PRDM15: variants seen among roughly 807,000 people sequenced by gnomAD.
PRDM15 encodes the protein PR domain zinc finger protein 15.
In PRDM15, 64 loss-of-function variants were observed where a neutral mutation model predicts 128.6. The ratio of observed to expected loss-of-function variants is 0.50; its 90% CI spans 0.41 to 0.61. The LOEUF (loss-of-function observed/expected upper bound fraction) is 0.61, where lower values mean the gene tolerates loss of function less well. PRDM15 is among the 20% of genes least tolerant of loss of function. The probability of loss-of-function intolerance (pLI) is 0.00; values close to 1 mark genes in which losing one functional copy is unlikely to be tolerated. For synonymous variants in PRDM15, 615 were observed against 621.8 expected (o/e 0.99, Z 0.16); for missense variants, 1,242 against 1,569.1 (o/e 0.79, Z 3.52).
At chr21:41,819,167 CCTT>C (rs1217807737) in intron 18 of PRDM15, among the ~76,000 whole-genome samples, 1 of 152,260 alleles carries the variant, frequency 6.6e-6, no homozygotes, top group African/African-American at 2.4e-5. Flanking sequence ...TGCCTCGAGT[CCTT>C]CTTTCCTTAA....
chr21:41,861,589 C>T, intron 1 of PRDM15: 1 of 1,609,968 alleles, frequency 6.2e-7, no homozygotes, highest in African/African-American at 1.3e-5. Flanking sequence ...CAACCTGCTT[C>T]TCTGATGCCC....
intron 18 of PRDM15, among the ~76,000 whole-genome samples, chr21:41,816,214 T>C (rs1174823130): frequency 6.6e-6 from 1 of 152,076 alleles, no homozygotes. Context: ...ACAATATGAG[T>C]GGTGATTGGG....
chr21:41,825,432 T>C (rs990578236), intron 13 of PRDM15, among the ~76,000 whole-genome samples: 23 of 152,338 alleles, frequency 1.5e-4, no homozygotes, highest in Non-Finnish European at 2.9e-4. Context: ...ATGGATGTGC[T>C]CCCATGGATG....
chr21:41,826,034 C>T lies in PRDM15; in HGVS notation c.1555G>A (p.Glu519Lys). ...TTCTCCCCACCGGCCTCCAGGTCCT[C>T]TCGCTTCACTCGCCGCACTCCTGAA... is the stretch of plus-strand genomic sequence containing the variant. ...HLEGVRRVKR[E>K]DLEAGGENLV... The change falls in exon 13 of 24, where the codon GAG becomes AAG. Residue 519 changes from glutamate to lysine, a missense_variant. Physicochemically the swap from Glu to Lys is moderately conservative, Grantham distance 56. Coordinates refer to ENST00000398548, the MANE Select transcript of PRDM15 (RefSeq NM_001040424.3). The T allele has an allele frequency of 6.2e-7, 1 of 1,614,182 alleles. No homozygotes were observed. Among genetic ancestry groups the T allele is most frequent in the Non-Finnish European group, 8.5e-7 (1 of 1,180,008 alleles).
At chr21:41,837,790 A>T (rs973306910) in intron 8 of PRDM15, 144 bp downstream of exon 8, 3 of 539,328 alleles carry the variant, frequency 5.6e-6, no homozygotes, top group Admixed American at 3.4e-5. Flanking sequence ...GCTCCAGAAC[A>T]TTCCTGCTGC....
chr21:41,819,770 A>G, intron 17 of PRDM15, 69 bp from the exon 18 acceptor site: 1 of 1,535,540 alleles, frequency 6.5e-7, no homozygotes, highest in South Asian at 1.2e-5. Context: ...AAGAGGATGC[A>G]CCAAGGAGAG....
At chr21:41,865,045 C>G (rs1216536996) in intron 1 of PRDM15, among the ~76,000 whole-genome samples, 1 of 151,054 alleles carries the variant, frequency 6.6e-6, no homozygotes, top group African/African-American at 2.4e-5. Context: ...CTGCTCAGTC[C>G]TCACTCCCCA....
Position 41,828,048 on chromosome 21 carries a change from A to C in PRDM15, c.1534+118T>G, listed in dbSNP as rs62214689. On this transcript the variant is annotated intron_variant, in intron 12 of 23. Coordinates refer to ENST00000398548, the MANE Select transcript of PRDM15 (RefSeq NM_001040424.3). The surrounding 1 kb of genome is among the most constrained non-coding windows in gnomAD (Gnocchi z 5.7). ...ATCGGATGGCGGGCGTTTCCAGGCA[A>C]AGGAGCAGGCGGCACCGAACTGCTC... is the stretch of plus-strand genomic sequence containing the variant. The C allele has an allele frequency of 7.8e-6, 8 of 1,019,948 alleles. No homozygotes were observed. Among genetic ancestry groups the C allele is most frequent in the South Asian group, 2.9e-5 (2 of 69,024 alleles). The allele number at this position is 1,019,948 out of a possible 1,614,324, so 63.2% of individuals were successfully genotyped here. A position where few individuals can be genotyped will look rare whatever the true frequency, so the allele number is the denominator to read the frequency against.
chr21:41,801,841 G>C (rs969100852), intron 23 of PRDM15, 119 bp from the exon 24 acceptor site: 1 of 1,139,350 alleles, frequency 8.8e-7, no homozygotes, highest in African/African-American at 1.5e-5. Flanking sequence ...TTTGGTGAAA[G>C]AGGAAACCGA....
At position 41,819,652 on chromosome 21, in the gene PRDM15, C is replaced by CT. The variant is rs2062179829; in HGVS notation, c.2189dup (p.Asp731GlyfsTer70). On this transcript the variant is annotated frameshift_variant, in exon 18 of 24. Coordinates refer to ENST00000398548, the MANE Select transcript of PRDM15 (RefSeq NM_001040424.3). LOFTEE classifies it high-confidence loss of function. ...CACGCATGTGCTCCTTCAGCATGTC[C>CT]TTCCTGGCAAAGGACTTCCCACACT... is the stretch of plus-strand genomic sequence containing the variant. The CT allele has an allele frequency of 6.2e-7, 1 of 1,610,474 alleles. No homozygotes were observed. Among genetic ancestry groups the CT allele is most frequent in the Non-Finnish European group, 8.5e-7 (1 of 1,179,188 alleles).
Position 41,801,087 on chromosome 21 carries a change from T to G in PRDM15, c.*153A>C, listed in dbSNP as rs2061402583. ...GAGTTAAGCTGACAGACCGTAATGG[T>G]TGCTGGCGGGGGATCTGGAGATACT... On this transcript the variant is annotated 3_prime_UTR_variant, in exon 24 of 24. Transcript: ENST00000398548. The G allele has an allele frequency of 3.6e-5, 40 of 1,125,506 alleles. No individual in the cohort carries two copies. In the South Asian group the frequency reaches 6.8e-4, roughly 19 times the overall value. 69.7% of individuals were successfully genotyped at this position (1,125,506 alleles called of 1,614,324 possible).
At position 41,834,695 on chromosome 21, in the gene PRDM15, G is replaced by T. The variant is rs1395146795; in HGVS notation, c.1366+742C>A. ...AGGTGTGACTCCCACATCCCAGAGG[G>T]TGCACGTCATCACTGCAGAATACAG... On this transcript the variant is annotated intron_variant, in intron 11 of 23. Transcript: ENST00000398548. 1.3e-5 allele frequency: 9 copies of T among 699,998 alleles called. No individual in the cohort carries two copies. In the East Asian group the frequency reaches 2.2e-4, roughly 17 times the overall value. 43.4% of individuals were successfully genotyped at this position (699,998 alleles called of 1,614,324 possible).
intron 14 of PRDM15, among the ~76,000 whole-genome samples, chr21:41,822,903 T>C (rs2062329862): frequency 6.6e-6 from 1 of 151,954 alleles, no homozygotes; most frequent in Non-Finnish European, 1.5e-5. Flanking sequence ...GACATTATGG[T>C]GGATGCTTAT....
intron 6 of PRDM15, among the ~76,000 whole-genome samples, chr21:41,842,538 C>T (rs945715910): frequency 2.0e-5 from 3 of 152,088 alleles, no homozygotes; most frequent in Admixed American, 1.3e-4. Context: ...TGTTGCCAGG[C>T]TGGAGTGCAG....
Position 41,836,172 on chromosome 21 carries a change from A to G in PRDM15, c.1219T>C (p.Leu407=), listed in dbSNP as rs769506425. 19 of 1,613,728 alleles carry G rather than the reference A, an allele frequency of 1.2e-5. No individual in the cohort carries two copies. The highest frequency in any genetic ancestry group is 8.5e-7 in the Non-Finnish European group (1 of 1,179,960). ...KLFKCEECAK[L]FSRKESLKQH... ...TTTAGGCTCTCTTTGCGGCTGAACA[A>G]TTTTGCACACTCTTCGCACTTAAAC... Residue 407 remains leucine (L), a synonymous_variant, in exon 10 of 24, where the codon TTG becomes CTG. Transcript: ENST00000398548.
At chr21:41,851,185 C>T (rs1430422534) in intron 5 of PRDM15, among the ~76,000 whole-genome samples, 1 of 152,164 alleles carries the variant, frequency 6.6e-6, no homozygotes, top group Non-Finnish European at 1.5e-5. Flanking sequence ...GAGTGTCCAC[C>T]CCAGAGGGCA....
At chr21:41,834,600 A>G in intron 11 of PRDM15, 1 of 1,519,086 alleles carries the variant, frequency 6.6e-7, no homozygotes, top group Non-Finnish European at 8.9e-7. Context: ...ACAGTGACTC[A>G]CCCCTCTGTG....
chr21:41,871,893 G>C, intron 1 of PRDM15: 1 of 320,344 alleles, frequency 3.1e-6, no homozygotes, highest in Non-Finnish European at 5.8e-6. Context: ...CTCCACCTGC[G>C]CACACCTACG....
At position 41,859,079 on chromosome 21, in the gene PRDM15, C is replaced by T. The variant is rs768613637; in HGVS notation, c.131+513G>A. 2.0e-5 allele frequency: 31 copies of T among 1,581,396 alleles called. No homozygotes were observed. Among genetic ancestry groups the T allele is most frequent in the South Asian group, 3.5e-5 (3 of 86,924 alleles). On this transcript the variant is annotated intron_variant, in intron 3 of 23. Coordinates refer to ENST00000398548, the MANE Select transcript of PRDM15 (RefSeq NM_001040424.3). This position sits in a 1 kb window ranked among gnomAD's most constrained non-coding sequence, Gnocchi z 5.3. ...CAGCCTCCCCCAGGTGAGGGTGGAA[C>T]GGCAGGGCAGCTGCTGCCCACTGAG...
Sources: gnomAD v4.1 joint callset for allele counts (sites outside exome capture counted in the v4.1 genomes callset) on GRCh38, gnomAD v4.1.1 for gene constraint, Gnocchi (gnomAD v3.1) non-coding constraint, MANE v1.5 for transcripts, NCBI Gene and HGNC (gene_info 2026-07-23, HGNC 2026-07-21) for gene names.